Variants in ARHGEF10 observed in about 807,000 individuals in gnomAD.
The protein encoded by ARHGEF10 is Rho guanine nucleotide exchange factor (GEF) 10.
ARHGEF10 carries 140 observed loss-of-function variants against 147.4 expected under a neutral mutation model. The observed-to-expected ratio is 0.95, with a 90% CI of 0.83 to 1.09. The LOEUF (loss-of-function observed/expected upper bound fraction) is 1.09. ARHGEF10 is among the 50% of genes least tolerant of loss of function. ARHGEF10 has a pLI of 0.00. For missense variants in ARHGEF10, 2,222 were observed against 1,752.7 expected (o/e 1.27, Z -4.78); for synonymous variants, 902 against 695.8 (o/e 1.30, Z -4.67).
chr8:1,871,552 G>A (rs1167411216), intron 7 of ARHGEF10, among the ~76,000 whole-genome samples: 1 of 152,140 alleles, frequency 6.6e-6, no homozygotes, highest in Non-Finnish European at 1.5e-5. Context: ...GGGCGCGGTG[G>A]CTCACACCTG....
chr8:1,880,123 G>A lies in ARHGEF10; in HGVS notation c.919G>A (p.Val307Met), dbSNP rs144623948. 210 of 1,614,108 alleles carry A rather than the reference G, an allele frequency of 1.3e-4. 1 individual carries two copies. In the African/African-American group the frequency reaches 1.8e-3, roughly 14 times the overall value. ...MRDLMASTVGVVEIQQLRQKH... is the reference protein window; with the variant it reads ...MRDLMASTVGMVEIQQLRQKH... ...AGATTTGATGGCAAGCACGGTGGGC[G>A]TGGTGGAGATTCAGCAGCTCAGGCA... is the stretch of plus-strand genomic sequence containing the variant. Residue 307 changes from valine to methionine, a missense_variant, in exon 9 of 29, where the codon GTG becomes ATG. Coordinates refer to ENST00000349830, the MANE Select transcript of ARHGEF10 (RefSeq NM_014629.4).
At chr8:1,940,852 C>T (rs936605315) in intron 26 of ARHGEF10, among the ~76,000 whole-genome samples, 10 of 152,154 alleles carry the variant, frequency 6.6e-5, no homozygotes, top group Non-Finnish European at 1.3e-4. Flanking sequence ...ATCACATTAA[C>T]AGAATAATGG....
At chr8:1,909,166 A>C (rs1328568712) in intron 17 of ARHGEF10, 129 bp from the exon 18 acceptor site, 2 of 1,327,310 alleles carry the variant, frequency 1.5e-6, no homozygotes, top group Admixed American at 1.7e-5. Flanking sequence ...CACAATTACT[A>C]TTGTGAGAAA....
At chr8:1,862,848 G>A (rs1806257254) in intron 4 of ARHGEF10, among the ~76,000 whole-genome samples, 4 of 146,974 alleles carry the variant, frequency 2.7e-5, no homozygotes, top group South Asian at 2.1e-4. Flanking sequence ...GCGGGATCTC[G>A]GCTCACTGCA....
chr8:1,841,233 C>T (rs927096847), intron 1 of ARHGEF10, among the ~76,000 whole-genome samples: 1 of 149,476 alleles, frequency 6.7e-6, no homozygotes, highest in African/African-American at 2.5e-5. Context: ...GTTGCGCTGG[C>T]GAGGTGGACC....
intron 1 of ARHGEF10, among the ~76,000 whole-genome samples, chr8:1,834,805 A>G (rs1326081791): frequency 2.0e-5 from 3 of 152,190 alleles, no homozygotes; most frequent in East Asian, 1.9e-4. Context: ...TGTGAAATCA[A>G]TCGGGTGCAG....
chr8:1,923,410 T>G, intron 19 of ARHGEF10, 58 bp from the exon 20 acceptor site: 3 of 1,611,508 alleles, frequency 1.9e-6, no homozygotes, highest in Non-Finnish European at 2.5e-6. Context: ...TTTATCTTCC[T>G]TGGGATGGCC....
chr8:1,882,679 G>C lies in ARHGEF10; in HGVS notation c.1005G>C (p.Gly335=). The stretch of plus-strand genomic sequence containing the variant: ...CCGCGAAGGACGGCACCAAGGACGG[G>C]CTGGAGAGGACCAGGGCAGCCGTGA... ...VKAAKDGTKD[G]LERTRAAVKR... Residue 335 remains glycine (G), a synonymous_variant, in exon 10 of 29, where the codon GGG becomes GGC. Transcript: ENST00000349830. 1 of 1,557,004 alleles carries C rather than the reference G, an allele frequency of 6.4e-7. No homozygotes were observed. The highest frequency in any genetic ancestry group is 8.7e-7 in the Non-Finnish European group (1 of 1,149,694).
intron 1 of ARHGEF10, among the ~76,000 whole-genome samples, chr8:1,829,580 G>A (rs930282741): frequency 1.3e-5 from 2 of 152,246 alleles, no homozygotes; most frequent in Non-Finnish European, 2.9e-5. Context: ...CACGGAAGCC[G>A]CGGCTTCGTG....
At chr8:1,946,189 A>C (rs1814574857) in intron 27 of ARHGEF10, among the ~76,000 whole-genome samples, 1 of 152,146 alleles carries the variant, frequency 6.6e-6, no homozygotes, top group Non-Finnish European at 1.5e-5. Flanking sequence ...GGAGGAAAGA[A>C]ATGAGGAGGG....
chr8:1,824,972 C>A (rs1277205800), intron 1 of ARHGEF10, among the ~76,000 whole-genome samples: 1 of 70,710 alleles, frequency 1.4e-5, no homozygotes, highest in East Asian at 4.2e-4. Flanking sequence ...CCACCTGTCC[C>A]CTCGCACCCC....
At chr8:1,955,893 C>G (rs1204159330) in intron 28 of ARHGEF10, among the ~76,000 whole-genome samples, 2 of 152,256 alleles carry the variant, frequency 1.3e-5, no homozygotes, top group Non-Finnish European at 2.9e-5. Flanking sequence ...CCTGTCCCTG[C>G]ACAGTCCCCC....
chr8:1,826,735 G>A (rs949159956), intron 1 of ARHGEF10, among the ~76,000 whole-genome samples: 4 of 152,192 alleles, frequency 2.6e-5, no homozygotes, highest in Admixed American at 1.3e-4. Context: ...TTGTAGGCCC[G>A]TCATTGTTTA....
At chr8:1,945,310 G>C (rs1814476851) in intron 26 of ARHGEF10, among the ~76,000 whole-genome samples, 171 bp from the exon 27 acceptor site, 1 of 152,242 alleles carries the variant, frequency 6.6e-6, no homozygotes, top group Non-Finnish European at 1.5e-5. Flanking sequence ...GAAAATGGCA[G>C]GCAGTTGGGT....
rs373708782 is a variant in ARHGEF10, at chr8:1,864,291, C to T, written c.482-82C>T. On this transcript the variant is annotated intron_variant, in intron 4 of 28. Coordinates refer to ENST00000349830, the MANE Select transcript of ARHGEF10 (RefSeq NM_014629.4). ...CTCTGATTGATAGGAAAGTGTGAAA[C>T]CATTTTTAAGGGTAAAAACATCAAC... The T allele has an allele frequency of 2.0e-4, 282 of 1,408,526 alleles. No individual in the cohort carries two copies. The African/African-American group carries it at 3.5e-3, about 17-fold the overall frequency. 87.3% of individuals were successfully genotyped at this position (1,408,526 alleles called of 1,614,324 possible).
chr8:1,903,636 C>A (rs1441307894), intron 16 of ARHGEF10, 185 bp downstream of exon 16: 1 of 687,658 alleles, frequency 1.5e-6, no homozygotes, highest in Admixed American at 2.6e-5. Context: ...TATGTAAAAC[C>A]TTAACAGCCT....
rs533754740 is a variant in ARHGEF10 at position 1,876,673 on chromosome 8, G to C, written c.782G>C (p.Ser261Thr). ...GAATTTGAAAGTTACGAAGAGCAGA[G>C]TGACTCGGAGTGCAAGAATGGGATT... ...SSEFESYEEQ[S>T]DSECKNGIPR... Residue 261 changes from serine (S) to threonine (T), a missense_variant, in exon 8 of 29, where the codon AGT (serine) becomes ACT (threonine). Transcript: ENST00000349830. 26 of 1,614,248 alleles carry C rather than the reference G, an allele frequency of 1.6e-5. No homozygotes were observed. In the East Asian group the frequency reaches 2.0e-4, roughly 12 times the overall value.
intron 1 of ARHGEF10, among the ~76,000 whole-genome samples, chr8:1,840,464 G>A (rs1232331996): frequency 4.8e-5 from 7 of 144,454 alleles, no homozygotes; most frequent in African/African-American, 7.6e-5. Flanking sequence ...GAAGCTGTCC[G>A]GTGTGGGTAC....
intron 14 of ARHGEF10, among the ~76,000 whole-genome samples, chr8:1,897,500 T>C (rs1214640397): frequency 6.7e-6 from 1 of 149,850 alleles, no homozygotes; most frequent in Non-Finnish European, 1.5e-5. Context: ...GTTCCCCCTC[T>C]GGACAGCTGT....
Sources: gnomAD v4.1 joint callset for allele counts (sites outside exome capture counted in the v4.1 genomes callset) on GRCh38, gnomAD v4.1.1 for gene constraint, MANE v1.5 for transcripts, NCBI Gene and HGNC (gene_info 2026-07-23, HGNC 2026-07-21) for gene names.